The following ABL2 variants were observed in gnomAD, a reference collection of about 807,000 sequenced individuals.
The protein encoded by ABL2 is tyrosine-protein kinase ABL2.
ABL2 carries 49 observed loss-of-function variants against 107.7 expected under a neutral mutation model. The ratio of observed to expected loss-of-function variants is 0.45; its 90% CI spans 0.36 to 0.58. ABL2 has a LOEUF of 0.58. Among genes scored for constraint, ABL2 ranks in the 20% least tolerant of loss-of-function variants. ABL2 has a pLI of 0.00. For synonymous variants in ABL2, 549 were observed against 548.6 expected, an observed-to-expected ratio of 1.00 and a Z score of -0.01; for missense variants, 1,245 against 1,457.0, an observed-to-expected ratio of 0.85 and a Z score of 2.37.
intron 1 of ABL2, among the ~76,000 whole-genome samples, chr1:179,211,902 T>C (rs996028642): frequency 6.6e-6 from 1 of 152,134 alleles, no homozygotes; most frequent in African/African-American, 2.4e-5. Flanking sequence ...ACATGCCAGG[T>C]ACAATATCTC....
At chr1:179,133,751 C>T (rs1348545684) in intron 1 of ABL2, among the ~76,000 whole-genome samples, 2 of 152,144 alleles carry the variant, frequency 1.3e-5, no homozygotes, top group Admixed American at 6.5e-5. Context: ...ACCAAATCCA[C>T]TATATACTAC....
At chr1:179,134,777 C>T (rs1656695504) in intron 1 of ABL2, among the ~76,000 whole-genome samples, 1 of 151,770 alleles carries the variant, frequency 6.6e-6, no homozygotes, top group South Asian at 2.1e-4. Flanking sequence ...CCTCTGATGC[C>T]GAGCTGAAGC....
chr1:179,110,764 T>A (rs766168130), intron 10 of ABL2: 1 of 1,613,966 alleles, frequency 6.2e-7, no homozygotes, highest in African/African-American at 1.3e-5. Context: ...GGAGTTACTA[T>A]GAATACGTTG....
intron 1 of ABL2, among the ~76,000 whole-genome samples, chr1:179,155,680 G>A (rs528657937): frequency 2.0e-5 from 3 of 150,376 alleles, no homozygotes; most frequent in Non-Finnish European, 4.4e-5. Context: ...GCAATGAGCC[G>A]AGATCGGGCC....
chr1:179,222,152 G>C (rs1039269570), intron 1 of ABL2: 17 of 161,046 alleles, frequency 1.1e-4, no homozygotes, highest in African/African-American at 3.8e-4. Flanking sequence ...AAGCCTAGAA[G>C]AACAGGATAC....
At chr1:179,182,079 G>A (rs546272322) in intron 1 of ABL2, among the ~76,000 whole-genome samples, 2 of 151,046 alleles carry the variant, frequency 1.3e-5, no homozygotes, top group Admixed American at 6.7e-5. Flanking sequence ...TTACAGGCGT[G>A]AGCCACCGCA....
At chr1:179,109,487 T>G (rs1436383423) in intron 11 of ABL2, 46 bp from the exon 12 acceptor site, 1 of 1,555,318 alleles carries the variant, frequency 6.4e-7, no homozygotes, top group South Asian at 1.2e-5. Context: ...AAGAAGTGAA[T>G]CTATTACATT....
intron 1 of ABL2, among the ~76,000 whole-genome samples, chr1:179,140,395 C>T (rs1020471814): frequency 2.0e-5 from 3 of 152,230 alleles, no homozygotes; most frequent in African/African-American, 7.2e-5. Context: ...CTTGATAACA[C>T]TCTCACATCC....
rs1348290629 is a variant in ABL2 at position 179,100,958 on chromosome 1, C to T, written c.*6760G>A. 8.6e-6 allele frequency: 2 copies of T among 232,670 alleles called. No homozygotes were observed. The highest frequency in any genetic ancestry group is 2.2e-5 in the African/African-American group (1 of 45,314). The allele number at this position is 232,670 out of a possible 1,614,324, so 14.4% of individuals were successfully genotyped here. A position where few individuals can be genotyped will look rare whatever the true frequency, so the allele number is the denominator to read the frequency against. ...ACATGGGGATGAAGAAGTAAGTGCACTTGGAGGGAAGGGTCCGGCGAGACC... is the reference window on the plus strand; with the variant it reads ...ACATGGGGATGAAGAAGTAAGTGCATTTGGAGGGAAGGGTCCGGCGAGACC... On this transcript the variant is annotated 3_prime_UTR_variant, in exon 12 of 12. Transcript: ENST00000502732.
At chr1:179,193,345 C>T (rs1661124846) in intron 1 of ABL2, among the ~76,000 whole-genome samples, 1 of 151,804 alleles carries the variant, frequency 6.6e-6, no homozygotes, top group Non-Finnish European at 1.5e-5. Flanking sequence ...GTAACTCAAA[C>T]CAGCCCTAAA....
intron 1 of ABL2, among the ~76,000 whole-genome samples, chr1:179,136,684 A>G (rs1370464242): frequency 6.7e-6 from 1 of 148,440 alleles, no homozygotes; most frequent in Non-Finnish European, 1.5e-5. Context: ...CCCCTCTGCG[A>G]GAAACACCCA....
intron 10 of ABL2, chr1:179,110,912 GAT>G (rs1653999227): frequency 1.9e-6 from 3 of 1,594,402 alleles, no homozygotes; most frequent in African/African-American, 1.3e-5. Context: ...CCCAAATAGC[GAT>G]ACTATTTTGC....
chr1:179,211,806 ATT>A lies in ABL2; in HGVS notation c.157+17433_157+17434del, dbSNP rs758603760. On this transcript the variant is annotated intron_variant, in intron 1 of 11. Coordinates refer to ENST00000502732, the MANE Select transcript of ABL2 (RefSeq NM_007314.4). ...AATCCTTCTCGAAAAAAAAAAAAAA[ATT>A]TAAATAACTGTTTACCAATCAATAA... Among the ~76,000 whole-genome samples, 5 of 151,220 alleles carry A rather than the reference ATT, an allele frequency of 3.3e-5. No individual in the cohort carries two copies. The South Asian group carries it at 6.2e-4, about 19-fold the overall frequency.
chr1:179,199,543 C>A (rs1185506483), intron 1 of ABL2, among the ~76,000 whole-genome samples: 4 of 152,102 alleles, frequency 2.6e-5, no homozygotes, highest in Admixed American at 2.6e-4. Flanking sequence ...TGTACTCTAA[C>A]ATTTTGAGTT....
At chr1:179,165,555 T>C (rs1006578238) in intron 1 of ABL2, among the ~76,000 whole-genome samples, 1 of 152,198 alleles carries the variant, frequency 6.6e-6, no homozygotes, top group Non-Finnish European at 1.5e-5. Context: ...AGATCTTAGA[T>C]GGCCTTGAAT....
chr1:179,226,871 C>A (rs1301513799), intron 1 of ABL2, among the ~76,000 whole-genome samples: 1 of 152,168 alleles, frequency 6.6e-6, no homozygotes, highest in Admixed American at 6.5e-5. Flanking sequence ...AGTGATCTCT[C>A]TTCTTTCATC....
intron 1 of ABL2, among the ~76,000 whole-genome samples, chr1:179,160,326 C>A (rs1658984515): frequency 6.7e-6 from 1 of 148,860 alleles, no homozygotes; most frequent in East Asian, 2.0e-4. Flanking sequence ...CCAGCCTGGG[C>A]AACATAGTGA....
chr1:179,226,043 CAAAAAAA>C (rs1194438803), intron 1 of ABL2, among the ~76,000 whole-genome samples: 85 of 45,680 alleles, frequency 1.9e-3, no homozygotes, highest in African/African-American at 3.1e-3. Context: ...GACTCCGCCT[CAAAAAAA>C]AAAAAAAAAA....
At chr1:179,215,214 C>A (rs1182932063) in intron 1 of ABL2, among the ~76,000 whole-genome samples, 3 of 151,056 alleles carry the variant, frequency 2.0e-5, no homozygotes, top group Non-Finnish European at 4.4e-5. Context: ...ATTTATGAAA[C>A]GGCAAGAGAA....
Sources: gnomAD v4.1 joint callset for allele counts (sites outside exome capture counted in the v4.1 genomes callset) on GRCh38, gnomAD v4.1.1 for gene constraint, MANE v1.5 for transcripts, NCBI Gene and HGNC (gene_info 2026-07-23, HGNC 2026-07-21) for gene names.